The following TMEM178A variants were observed in gnomAD, a reference collection of about 807,000 sequenced individuals.
The protein encoded by TMEM178A is transmembrane protein 178.
A neutral mutation model predicts 29.1 loss-of-function variants in TMEM178A; 12 were observed. The observed-to-expected ratio is 0.41, with a 90% CI of 0.26 to 0.67. The LOEUF (loss-of-function observed/expected upper bound fraction) is 0.67, where lower values mean the gene tolerates loss of function less well. TMEM178A is among the 30% of genes least tolerant of loss of function. TMEM178A has a pLI of 0.29. For missense variants in TMEM178A, 366 were observed against 419.1 expected (o/e 0.87, Z 1.11); for synonymous variants, 210 against 187.2 (o/e 1.12, Z -0.99).
chr2:39,732,191 CCTGT>C, the TMEM178A span, among the ~76,000 whole-genome samples: 8 of 152,160 alleles, frequency 5.3e-5, no homozygotes, highest in African/African-American at 1.9e-4. Flanking sequence ...CACTTTCTTT[CCTGT>C]CTTTCACCCT....
intron 1 of TMEM178A, among the ~76,000 whole-genome samples, chr2:39,686,334 G>A (rs926434073): frequency 3.9e-5 from 6 of 152,156 alleles, no homozygotes; most frequent in African/African-American, 1.2e-4. Context: ...CACAACAGAA[G>A]TGTTCTGGTA....
At chr2:39,733,767 A>C in the TMEM178A span, among the ~76,000 whole-genome samples, 1 of 152,126 alleles carries the variant, frequency 6.6e-6, no homozygotes, top group African/African-American at 2.4e-5. Flanking sequence ...TTAGTGCATA[A>C]ATTTGAGAAT....
intron 1 of TMEM178A, among the ~76,000 whole-genome samples, chr2:39,689,267 G>C (rs1482566660): frequency 6.6e-6 from 1 of 152,200 alleles, no homozygotes; most frequent in East Asian, 1.9e-4. Context: ...TCTTTTCTGA[G>C]TATTTGGGAA....
chr2:39,668,813 G>A (rs978196152), intron 1 of TMEM178A, among the ~76,000 whole-genome samples: 16 of 152,132 alleles, frequency 1.1e-4, no homozygotes, highest in African/African-American at 3.9e-4. Flanking sequence ...AAATGTATGG[G>A]TGACAAGAGC....
At chr2:39,666,859 G>A (rs1252350544) in intron 1 of TMEM178A, among the ~76,000 whole-genome samples, 1 of 152,268 alleles carries the variant, frequency 6.6e-6, no homozygotes, top group Non-Finnish European at 1.5e-5. Flanking sequence ...GACCTCCGAA[G>A]AGAGGGAAGG....
intron 1 of TMEM178A, among the ~76,000 whole-genome samples, chr2:39,670,182 TG>T (rs1670352051): frequency 1.3e-5 from 2 of 152,096 alleles, no homozygotes; most frequent in Admixed American, 1.3e-4. Flanking sequence ...ACTGGGAATG[TG>T]GGGGGCGGGG....
chr2:39,695,592 TCA>T (rs1225577102), intron 1 of TMEM178A, among the ~76,000 whole-genome samples: 2 of 151,624 alleles, frequency 1.3e-5, no homozygotes, highest in African/African-American at 4.9e-5. Context: ...GCTAGGATGG[TCA>T]CAGAGATGGA....
upstream of TMEM178A, chr2:39,665,713 G>A (rs1209141737): frequency 5.9e-6 from 2 of 338,354 alleles, no homozygotes; most frequent in African/African-American, 2.4e-5. Context: ...GGGAAGAGGA[G>A]GGGGGCAAGA....
intron 1 of TMEM178A, among the ~76,000 whole-genome samples, chr2:39,673,945 A>C (rs536146364): frequency 3.3e-5 from 5 of 152,228 alleles, no homozygotes; most frequent in African/African-American, 1.2e-4. Flanking sequence ...GCTTTCCCTA[A>C]CTATACCCAG....
chr2:39,720,469 C>G (rs1672680705), downstream of TMEM178A, among the ~76,000 whole-genome samples: 1 of 152,228 alleles, frequency 6.6e-6, no homozygotes, highest in South Asian at 2.1e-4. Flanking sequence ...GGGACACCCC[C>G]TCCTCTGCCT....
chr2:39,725,494 T>C, the TMEM178A span, among the ~76,000 whole-genome samples: 225 of 152,304 alleles, frequency 1.5e-3, no homozygotes, highest in Admixed American at 2.9e-3. Flanking sequence ...TTTGTTCTTG[T>C]TTCCTTTTGA....
rs764947451 is a variant in TMEM178A, at chr2:39,716,962, A to G, written c.653-48A>G. The G allele has an allele frequency of 8.1e-5, 128 of 1,573,140 alleles. 1 individual carries two copies. In the South Asian group the frequency reaches 1.4e-3, roughly 18 times the overall value. ...AGGCCTGTCTGGCATTTGTCTTGTA[A>G]CAGGCAAACTGTAACTAATCATTCT... On this transcript the variant is annotated intron_variant, in intron 3 of 3. Transcript: ENST00000281961.
intron 1 of TMEM178A, among the ~76,000 whole-genome samples, chr2:39,674,606 A>C (rs2540252): frequency 6.6e-6 from 1 of 151,990 alleles, no homozygotes; most frequent in Non-Finnish European, 1.5e-5. Flanking sequence ...CTCACAAATC[A>C]CCACTAAAGG....
chr2:39,714,754 C>A (rs1160582636), intron 3 of TMEM178A, among the ~76,000 whole-genome samples: 2 of 152,016 alleles, frequency 1.3e-5, no homozygotes, highest in African/African-American at 4.8e-5. Context: ...GAATTCATGT[C>A]ATCAAAAGCA....
intron 1 of TMEM178A, among the ~76,000 whole-genome samples, chr2:39,673,655 C>T (rs775617382): frequency 3.9e-5 from 6 of 152,184 alleles, no homozygotes; most frequent in Non-Finnish European, 7.3e-5. Context: ...CAACAGGTCA[C>T]TCAAATGCAA....
intron 3 of TMEM178A, among the ~76,000 whole-genome samples, chr2:39,710,537 A>G (rs1199114558): frequency 6.6e-6 from 1 of 152,130 alleles, no homozygotes; most frequent in African/African-American, 2.4e-5. Context: ...TGCTGGATTC[A>G]CCTGTTCTGT....
At chr2:39,730,712 G>T in the TMEM178A span, among the ~76,000 whole-genome samples, 1 of 152,206 alleles carries the variant, frequency 6.6e-6, no homozygotes, top group Non-Finnish European at 1.5e-5. Flanking sequence ...TGCAATAGCA[G>T]ACAGCACTGA....
chr2:39,700,881 T>C (rs1671750595), intron 1 of TMEM178A, among the ~76,000 whole-genome samples: 2 of 152,002 alleles, frequency 1.3e-5, no homozygotes, highest in African/African-American at 4.8e-5. Context: ...GGATTACAAG[T>C]AACATCTTAA....
intron 1 of TMEM178A, among the ~76,000 whole-genome samples, chr2:39,678,329 C>G (rs1448266938): frequency 6.6e-6 from 1 of 152,010 alleles, no homozygotes; most frequent in Non-Finnish European, 1.5e-5. Context: ...GGAAACAATC[C>G]AAATGTCCAT....
Sources: gnomAD v4.1 joint callset for allele counts (sites outside exome capture counted in the v4.1 genomes callset) on GRCh38, gnomAD v4.1.1 for gene constraint, MANE v1.5 for transcripts, NCBI Gene and HGNC (gene_info 2026-07-23, HGNC 2026-07-21) for gene names.